Variants in CBLN2 observed in about 807,000 individuals in gnomAD.
CBLN2 encodes cerebellin-2.
Under a neutral mutation model 15.0 loss-of-function variants are expected in CBLN2, and 7 were observed. The observed-to-expected ratio is 0.47, with a 90% CI of 0.27 to 0.88. The LOEUF is 0.88. CBLN2 is among the 40% of genes least tolerant of loss of function. CBLN2 has a pLI of 0.14. For missense variants in CBLN2, 242 were observed against 304.5 expected, an observed-to-expected ratio of 0.79 and a Z score of 1.53; for synonymous variants, 149 against 135.2, an observed-to-expected ratio of 1.10 and a Z score of -0.71.
At chr18:72,631,279 C>T (rs890367723) in intron 1 of CBLN2, among the ~76,000 whole-genome samples, 4 of 152,022 alleles carry the variant, frequency 2.6e-5, no homozygotes, top group African/African-American at 7.2e-5. Context: ...GGAAAGAAGA[C>T]AAGAGGGAAA....
chr18:72,612,525 T>A (rs2069629298), intron 1 of CBLN2, among the ~76,000 whole-genome samples: 2 of 151,704 alleles, frequency 1.3e-5, no homozygotes, highest in Non-Finnish European at 2.9e-5. Flanking sequence ...TTCTCTGGGG[T>A]CTTATCTTGC....
In CBLN2 at chr18:72,538,644, T is replaced by C; in HGVS notation, c.477+9A>G. On this transcript the variant is annotated intron_variant, in intron 4 of 4. Coordinates refer to ENST00000269503, the MANE Select transcript of CBLN2 (RefSeq NM_182511.4). Reference sequence around the variant, plus strand: ...AAACCTGAAAGGATCCAGTTTCAAATCTACCCACCTGGATGGTTTGTCTGT... The same window carrying C: ...AAACCTGAAAGGATCCAGTTTCAAACCTACCCACCTGGATGGTTTGTCTGT... The C allele has an allele frequency of 6.2e-7, 1 of 1,613,306 alleles. No homozygotes were observed. Among genetic ancestry groups the C allele is most frequent in the South Asian group, 1.1e-5 (1 of 91,060 alleles).
Position 72,618,024 on chromosome 18 carries a change from G to A in CBLN2, c.15+20301C>T, listed in dbSNP as rs561124214. ...GAATTTTGGCTGTTATGGTTAAACCGGTTAAGGTTTGATAGGTTTATTTAT... is the reference window on the plus strand; with the variant it reads ...GAATTTTGGCTGTTATGGTTAAACCAGTTAAGGTTTGATAGGTTTATTTAT... On this transcript the variant is annotated intron_variant, in intron 1 of 2. Transcript: ENST00000581073. 2.4e-3 allele frequency among the ~76,000 whole-genome samples: 359 copies of A among 152,216 alleles called. 1 individual carries two copies. Among genetic ancestry groups the A allele is most frequent in the African/African-American group, 7.8e-3 (324 of 41,554 alleles).
intron 1 of CBLN2, among the ~76,000 whole-genome samples, chr18:72,589,492 A>T (rs763315916): frequency 2.0e-5 from 3 of 152,166 alleles, no homozygotes; most frequent in Non-Finnish European, 4.4e-5. Flanking sequence ...GCTGTGGTTA[A>T]ACTCAATCTC....
rs75941991 is a variant in CBLN2, at chr18:72,553,527, A to G, written c.16-14755T>C. Among the ~76,000 whole-genome samples the G allele has an allele frequency of 3.0e-4, 45 of 152,318 alleles. No individual in the cohort carries two copies. In the East Asian group the frequency reaches 7.9e-3, roughly 27 times the overall value. On this transcript the variant is annotated intron_variant, in intron 1 of 2. Coordinates refer to the CBLN2 transcript ENST00000581073. ...ATGAAAACAGATTATACGTGTACAT[A>G]TATATTACAAATGTGTGCATATTTT...
chr18:72,541,416 C>T (rs1457551994), intron 3 of CBLN2, among the ~76,000 whole-genome samples: 1 of 152,076 alleles, frequency 6.6e-6, no homozygotes, highest in Admixed American at 6.5e-5. Context: ...TTTAAATGCA[C>T]TCAATCCTTC....
At chr18:72,573,004 G>C (rs1420808422) in intron 1 of CBLN2, among the ~76,000 whole-genome samples, 1 of 152,164 alleles carries the variant, frequency 6.6e-6, no homozygotes, top group Non-Finnish European at 1.5e-5. Flanking sequence ...CTAAAAGGTA[G>C]TTCAAAGACC....
At chr18:72,563,731 C>T (rs2069276360) in intron 1 of CBLN2, among the ~76,000 whole-genome samples, 1 of 152,176 alleles carries the variant, frequency 6.6e-6, no homozygotes. Context: ...GGTGGGCTAG[C>T]TCAGGTCCCC....
chr18:72,590,236 GC>G (rs2069471223), intron 1 of CBLN2, among the ~76,000 whole-genome samples: 1 of 151,550 alleles, frequency 6.6e-6, no homozygotes, highest in Non-Finnish European at 1.5e-5. Context: ...CTGCACTCCA[GC>G]CTGGGTGACA....
Position 72,538,155 on chromosome 18 carries a change from A to T in CBLN2, c.*21T>A. On this transcript the variant is annotated 3_prime_UTR_variant, in exon 5 of 5. Coordinates refer to ENST00000269503, the MANE Select transcript of CBLN2 (RefSeq NM_182511.4). ...CCTGGGTCCAGTTTGCCATTCCCCCACCATCTAGGGGGCTCTGTGTTTATA... is the reference window on the plus strand; with the variant it reads ...CCTGGGTCCAGTTTGCCATTCCCCCTCCATCTAGGGGGCTCTGTGTTTATA... The T allele has an allele frequency of 6.2e-7, 1 of 1,613,018 alleles. No homozygotes were observed. The highest frequency in any genetic ancestry group is 8.5e-7 in the Non-Finnish European group (1 of 1,179,184).
At chr18:72,595,846 C>CT (rs1217381380) in intron 1 of CBLN2, among the ~76,000 whole-genome samples, 3 of 151,838 alleles carry the variant, frequency 2.0e-5, no homozygotes, top group Admixed American at 6.6e-5. Context: ...GTTACTTCTG[C>CT]TTTTTTTAAG....
chr18:72,631,257 C>T (rs1166343271), intron 1 of CBLN2, among the ~76,000 whole-genome samples: 3 of 152,012 alleles, frequency 2.0e-5, no homozygotes, highest in Non-Finnish European at 4.4e-5. Flanking sequence ...CTATTTATGG[C>T]AGTTAAGCTC....
In CBLN2 at chr18:72,543,752, G is replaced by C. The variant is rs371234360; in HGVS notation, c.-211-222C>G. Among the ~76,000 whole-genome samples the C allele has an allele frequency of 1.9e-4, 29 of 151,904 alleles. No homozygotes were observed. The East Asian group carries it at 5.3e-3, about 28-fold the overall frequency. ...CCCGGCTCAGCGCCCCGCGCTGTGC[G>C]CCCAGGTGCCTCCAACCCCTGGGCT... On this transcript the variant is annotated intron_variant, in intron 1 of 4. Transcript: ENST00000269503. The surrounding 1 kb of genome is among the most constrained non-coding windows in gnomAD (Gnocchi z 6.8).
At chr18:72,580,584 C>T (rs374595071) in intron 1 of CBLN2, among the ~76,000 whole-genome samples, 1 of 152,128 alleles carries the variant, frequency 6.6e-6, no homozygotes, top group East Asian at 1.9e-4. Context: ...TGGAATCACA[C>T]ACATATATAT....
At chr18:72,545,391 A>G (rs2069151215), upstream of CBLN2, among the ~76,000 whole-genome samples, 1 of 152,248 alleles carries the variant, frequency 6.6e-6, no homozygotes, top group Non-Finnish European at 1.5e-5. Flanking sequence ...GAAAATATAC[A>G]ATACTTCCAA....
intron 1 of CBLN2, among the ~76,000 whole-genome samples, chr18:72,591,282 A>G (rs2069478077): frequency 6.6e-6 from 1 of 152,212 alleles, no homozygotes; most frequent in African/African-American, 2.4e-5. Flanking sequence ...TGAAAAGAAT[A>G]AAGGGTAAAA....
intron 1 of CBLN2, among the ~76,000 whole-genome samples, chr18:72,562,190 G>A (rs1163804710): frequency 1.3e-5 from 2 of 152,188 alleles, no homozygotes; most frequent in Non-Finnish European, 2.9e-5. Context: ...TGTGATAGGT[G>A]AGGACTGATA....
At chr18:72,627,419 T>C (rs1029388742) in intron 1 of CBLN2, among the ~76,000 whole-genome samples, 2 of 152,236 alleles carry the variant, frequency 1.3e-5, no homozygotes, top group African/African-American at 4.8e-5. Context: ...AATAATAATT[T>C]ATGTAAGAAG....
At chr18:72,548,097 G>C (rs2069169982), upstream of CBLN2, among the ~76,000 whole-genome samples, 1 of 152,148 alleles carries the variant, frequency 6.6e-6, no homozygotes, top group Non-Finnish European at 1.5e-5. Context: ...TCTGAGTGTG[G>C]TATCGGTGTC....
Sources: allele counts gnomAD v4.1 joint callset (sites outside exome capture counted in the v4.1 genomes callset), GRCh38; gene constraint gnomAD v4.1.1; non-coding constraint Gnocchi (gnomAD v3.1); transcripts MANE v1.5; gene names NCBI Gene and HGNC (gene_info 2026-07-23, HGNC 2026-07-21).